SLC22A4: variants seen among roughly 807,000 people sequenced by gnomAD.
The protein encoded by SLC22A4 is solute carrier family 22 member 4, also known as ET transporter.
A neutral mutation model predicts 56.6 loss-of-function variants in SLC22A4; 39 were observed. That is an observed-to-expected ratio of 0.69 (90% CI 0.53 to 0.90). SLC22A4 has a LOEUF of 0.90. Ranked by LOEUF, SLC22A4 falls within the 40% of genes least tolerant of loss-of-function variation. The pLI is 0.00. For synonymous variants in SLC22A4, 241 were observed against 281.4 expected (o/e 0.86, Z 1.44); for missense variants, 594 against 696.5 (o/e 0.85, Z 1.66).
chr5:132,327,713 CTGA>C (rs1195174525), intron 5 of SLC22A4, among the ~76,000 whole-genome samples: 1 of 152,212 alleles, frequency 6.6e-6, no homozygotes. Flanking sequence ...CAGCTATGTA[CTGA>C]TGATTTTTAA....
intron 1 of SLC22A4, chr5:132,311,858 G>A (rs1424947058): frequency 2.1e-6 from 1 of 476,680 alleles, no homozygotes; most frequent in African/African-American, 2.0e-5. Flanking sequence ...ACCAGTCACA[G>A]CCATGGCCTT....
At chr5:132,341,195 G>A (rs868182100) in intron 9 of SLC22A4, among the ~76,000 whole-genome samples, 29 of 151,926 alleles carry the variant, frequency 1.9e-4, no homozygotes, top group African/African-American at 5.3e-4. Flanking sequence ...TGAGGCAGGC[G>A]GATCATGAGG....
intron 3 of SLC22A4, among the ~76,000 whole-genome samples, chr5:132,315,202 A>C (rs959412272): frequency 6.6e-6 from 1 of 151,872 alleles, no homozygotes; most frequent in Non-Finnish European, 1.5e-5. Flanking sequence ...AGCCTGAAAA[A>C]CCCAACATGT....
At chr5:132,330,148 G>A (rs1017432416) in intron 5 of SLC22A4, among the ~76,000 whole-genome samples, 2 of 152,180 alleles carry the variant, frequency 1.3e-5, no homozygotes, top group Admixed American at 6.5e-5. Context: ...ATGTGGCTGT[G>A]AGCTGTGTAA....
At chr5:132,339,947 C>T (rs944263617) in intron 8 of SLC22A4, among the ~76,000 whole-genome samples, 3 of 152,178 alleles carry the variant, frequency 2.0e-5, no homozygotes, top group South Asian at 2.1e-4. Flanking sequence ...ACATATTAAC[C>T]CAAGACATGT....
At chr5:132,339,802 A>T (rs1210287618) in intron 8 of SLC22A4, among the ~76,000 whole-genome samples, 3 of 152,142 alleles carry the variant, frequency 2.0e-5, no homozygotes, top group Non-Finnish European at 4.4e-5. Context: ...CTGCAATAAC[A>T]ATATTTTCCT....
At chr5:132,316,778 A>G (rs1302976896) in intron 3 of SLC22A4, among the ~76,000 whole-genome samples, 1 of 152,208 alleles carries the variant, frequency 6.6e-6, no homozygotes, top group Admixed American at 6.5e-5. Flanking sequence ...AACTACATCA[A>G]TGATGCAGCT....
chr5:132,306,538 C>T (rs1750045020), intron 1 of SLC22A4, among the ~76,000 whole-genome samples: 1 of 148,618 alleles, frequency 6.7e-6, no homozygotes, highest in South Asian at 2.2e-4. Context: ...CCTCCACCTC[C>T]AGGCTCAAGC....
chr5:132,343,838 A>G lies in SLC22A4; in HGVS notation c.*3A>G, dbSNP rs11568508. ...AGGTTCTAATAACTGCATTCTGAAAAAATATCTACCCCATTTGGTGAAGTG... is the reference window on the plus strand; with the variant it reads ...AGGTTCTAATAACTGCATTCTGAAAGAATATCTACCCCATTTGGTGAAGTG... On this transcript the variant is annotated 3_prime_UTR_variant, in exon 10 of 10. Transcript: ENST00000200652. The G allele has an allele frequency of 3.1e-5, 48 of 1,572,058 alleles. No individual in the cohort carries two copies. In the African/African-American group the frequency reaches 6.1e-4, roughly 20 times the overall value.
chr5:132,322,229 T>C lies in SLC22A4; in HGVS notation c.698T>C (p.Leu233Ser). 1 of 1,613,936 alleles carries C rather than the reference T, an allele frequency of 6.2e-7. No homozygotes were observed. The highest frequency in any genetic ancestry group is 8.5e-7 in the Non-Finnish European group (1 of 1,179,862). Residue 233 changes from leucine (L) to serine (S), a missense_variant, in exon 4 of 10, where the codon TTA becomes TCA. Transcript: ENST00000200652. The stretch of plus-strand genomic sequence containing the variant: ...TCAGTTCGTATTATATTCTCTACAT[T>C]AGGAGTGTGCACATTTTTTGCAGTT... The part of the protein sequence containing the change: ...GKSVRIIFST[L>S]GVCTFFAVGY...
intron 3 of SLC22A4, chr5:132,320,849 G>A (rs1317306948): frequency 6.6e-6 from 1 of 152,224 alleles, no homozygotes; most frequent in Non-Finnish European, 1.5e-5. Flanking sequence ...TGAATTATCT[G>A]TTTTGTATCT....
chr5:132,315,724 G>A (rs1750331204), intron 3 of SLC22A4, among the ~76,000 whole-genome samples: 1 of 152,204 alleles, frequency 6.6e-6, no homozygotes, highest in African/African-American at 2.4e-5. Context: ...GCTATCAGCT[G>A]GGATCCAGGC....
intron 8 of SLC22A4, among the ~76,000 whole-genome samples, chr5:132,337,785 G>T (rs1751072594): frequency 6.6e-6 from 1 of 150,938 alleles, no homozygotes; most frequent in South Asian, 2.1e-4. Flanking sequence ...ACCCAGGCTG[G>T]AGTACAGTGG....
chr5:132,295,204 G>A, intron 1 of SLC22A4, 195 bp downstream of exon 1: 1 of 736,650 alleles, frequency 1.4e-6, no homozygotes. Flanking sequence ...GGTCGTTTCT[G>A]TCCAATAAGG....
In SLC22A4 at chr5:132,334,889, C is replaced by G; in HGVS notation, c.1218C>G (p.Phe406Leu). 6.2e-7 allele frequency: 1 copy of G among 1,613,860 alleles called. No individual in the cohort carries two copies. The highest frequency in any genetic ancestry group is 8.5e-7 in the Non-Finnish European group (1 of 1,179,842). Residue 406 changes from phenylalanine (F) to leucine (L), a missense_variant, in exon 7 of 10, where the codon TTC (phenylalanine) becomes TTG (leucine). Coordinates refer to ENST00000200652, the MANE Select transcript of SLC22A4 (RefSeq NM_003059.3). Reference protein sequence around the residue: ...PRRYIIAAVLFWGGGVLLFIQ... With the variant: ...PRRYIIAAVLLWGGGVLLFIQ... ...GTTATATCATAGCTGCAGTACTGTTCTGGGGAGGAGGTGTGCTTCTCTTCA... is the reference window on the plus strand; with the variant it reads ...GTTATATCATAGCTGCAGTACTGTTGTGGGGAGGAGGTGTGCTTCTCTTCA...
chr5:132,338,587 C>T (rs1055343741), intron 8 of SLC22A4, among the ~76,000 whole-genome samples: 7 of 152,144 alleles, frequency 4.6e-5, no homozygotes, highest in Admixed American at 4.6e-4. Flanking sequence ...AAGACAGCTG[C>T]CCCCAAAGTG....
At position 132,294,423 on chromosome 5, in the gene SLC22A4, A is replaced by G; in HGVS notation, c.-194A>G. 1.4e-6 allele frequency: 1 copy of G among 689,786 alleles called. No individual in the cohort carries two copies. The highest frequency in any genetic ancestry group is 2.5e-6 in the Non-Finnish European group (1 of 407,704). 42.7% of individuals were successfully genotyped at this position (689,786 alleles called of 1,614,324 possible). ...GTACAGTGGCATCAAGCTCAGCGCGAGCTCCCGGGAACGCTCCAACGCCTT... is the reference window on the plus strand; with the variant it reads ...GTACAGTGGCATCAAGCTCAGCGCGGGCTCCCGGGAACGCTCCAACGCCTT... On this transcript the variant is annotated 5_prime_UTR_variant, in exon 1 of 10. Coordinates refer to ENST00000200652, the MANE Select transcript of SLC22A4 (RefSeq NM_003059.3). The surrounding 1 kb of genome is among the most constrained non-coding windows in gnomAD (Gnocchi z 5.6).
At chr5:132,312,683 C>T (rs1449937406) in intron 2 of SLC22A4, among the ~76,000 whole-genome samples, 1 of 152,240 alleles carries the variant, frequency 6.6e-6, no homozygotes, top group Non-Finnish European at 1.5e-5. Flanking sequence ...CAACTGTGCA[C>T]ACACTGCTGC....
intron 5 of SLC22A4, among the ~76,000 whole-genome samples, chr5:132,329,199 C>T (rs1025583413): frequency 6.6e-6 from 1 of 152,034 alleles, no homozygotes; most frequent in Non-Finnish European, 1.5e-5. Flanking sequence ...CTCAGCCTCC[C>T]ATAATGCTAG....
Sources: allele counts gnomAD v4.1 joint callset (sites outside exome capture counted in the v4.1 genomes callset), GRCh38; gene constraint gnomAD v4.1.1; non-coding constraint Gnocchi (gnomAD v3.1); transcripts MANE v1.5; gene names NCBI Gene and HGNC (gene_info 2026-07-23, HGNC 2026-07-21).